The following NTMT1 variants were observed in gnomAD, a reference collection of about 807,000 sequenced individuals.
The protein encoded by NTMT1 is N-terminal RCC1 methyltransferase.
NTMT1 carries 8 observed loss-of-function variants against 17.5 expected under a neutral mutation model. That is an observed-to-expected ratio of 0.46 (90% CI 0.27 to 0.82). NTMT1 has a LOEUF of 0.82. Among genes scored for constraint, NTMT1 ranks in the 40% least tolerant of loss-of-function variants. NTMT1 has a pLI of 0.15. For missense variants in NTMT1, 221 were observed against 303.5 expected, an observed-to-expected ratio of 0.73 and a Z score of 2.02; for synonymous variants, 128 against 126.8, an observed-to-expected ratio of 1.01 and a Z score of -0.06.
At chr9:129,615,497 C>G in intron 1 of NTMT1, 1 of 1,599,218 alleles carries the variant, frequency 6.3e-7, no homozygotes. Flanking sequence ...AGCGTCTGCG[C>G]TCCCAGTAGC....
At chr9:129,634,902 C>G (rs556511769) in intron 3 of NTMT1, 3 of 385,836 alleles carry the variant, frequency 7.8e-6, no homozygotes, top group African/African-American at 6.2e-5. Context: ...AGGTTCACTC[C>G]TCCGATCCAA....
Position 129,620,538 on chromosome 9 carries a change from G to A in NTMT1, c.-55+11360G>A, listed in dbSNP as rs764915212. 7.0e-7 allele frequency: 1 copy of A among 1,428,784 alleles called. No individual in the cohort carries two copies. The highest frequency in any genetic ancestry group is 9.2e-7 in the Non-Finnish European group (1 of 1,088,102). The allele number at this position is 1,428,784 out of a possible 1,614,324, so 88.5% of individuals were successfully genotyped here. On this transcript the variant is annotated intron_variant, in intron 1 of 3. Coordinates refer to the NTMT1 transcript ENST00000372486. This position sits in a 1 kb window ranked among gnomAD's most constrained non-coding sequence, Gnocchi z 5.8. ...TCGCCAGGGAGCCCCTTGGGCGCCAGGTCCTGGGCCCCTGGGCGAAGTCGA... is the reference window on the plus strand; with the variant it reads ...TCGCCAGGGAGCCCCTTGGGCGCCAAGTCCTGGGCCCCTGGGCGAAGTCGA...
chr9:129,623,371 A>AGG (rs1830798324), upstream of NTMT1, among the ~76,000 whole-genome samples: 2 of 151,116 alleles, frequency 1.3e-5, no homozygotes, highest in South Asian at 4.2e-4. Context: ...GGAAGGAAGA[A>AGG]AAGAAATTAA....
chr9:129,629,388 C>CGTT (rs1831037064), intron 1 of NTMT1, among the ~76,000 whole-genome samples: 2 of 20,172 alleles, frequency 9.9e-5, no homozygotes, highest in Admixed American at 9.3e-4. Flanking sequence ...AAGAAGAATT[C>CGTT]ATTCTTCTTC....
intron 1 of NTMT1, chr9:129,619,697 C>T: frequency 1.2e-6 from 2 of 1,612,364 alleles, no homozygotes; most frequent in Admixed American, 1.7e-5. Flanking sequence ...CTGGAAACAT[C>T]GATGGCAACC....
intron 1 of NTMT1, among the ~76,000 whole-genome samples, chr9:129,629,873 G>A (rs1831071635): frequency 1.3e-5 from 2 of 152,206 alleles, no homozygotes; most frequent in Non-Finnish European, 2.9e-5. Flanking sequence ...GCTGAGCAGG[G>A]AGGATGGCTT....
chr9:129,630,639 T>C (rs767094107), intron 1 of NTMT1, among the ~76,000 whole-genome samples: 6 of 152,182 alleles, frequency 3.9e-5, no homozygotes, highest in Non-Finnish European at 8.8e-5. Context: ...TGTGGACTCT[T>C]CCGTGTTGAC....
upstream of NTMT1, among the ~76,000 whole-genome samples, chr9:129,622,220 C>T (rs6478908): frequency 0.97 from 148,251 of 152,298 alleles, 72,177 homozygotes; most frequent in Middle Eastern, 0.99. Context: ...CTGCGGGGCA[C>T]GGTGTCTCAC....
chr9:129,612,294 A>G, intron 1 of NTMT1: 2 of 1,461,132 alleles, frequency 1.4e-6, no homozygotes, highest in Middle Eastern at 1.7e-4. Flanking sequence ...GCAAGGAAGG[A>G]CGCTCCTCAT....
chr9:129,614,788 G>T lies in NTMT1; in HGVS notation c.-55+5610G>T, dbSNP rs988674562. On this transcript the variant is annotated intron_variant, in intron 1 of 3. Coordinates refer to the NTMT1 transcript ENST00000372486. The surrounding 1 kb of genome is among the most constrained non-coding windows in gnomAD (Gnocchi z 4.4). Reference sequence around the variant, plus strand: ...GCGGTGGCGCATGCCTGTAATCCCAGGTACTCAGGAGGCTGAGGCAGGAGA... The same window carrying T: ...GCGGTGGCGCATGCCTGTAATCCCATGTACTCAGGAGGCTGAGGCAGGAGA... Among the ~76,000 whole-genome samples, 2 of 152,180 alleles carry T rather than the reference G, an allele frequency of 1.3e-5. No individual in the cohort carries two copies. Among genetic ancestry groups the T allele is most frequent in the African/African-American group, 4.8e-5 (2 of 41,446 alleles).
chr9:129,634,261 C>T lies in NTMT1; in HGVS notation c.370C>T (p.Pro124Ser). The T allele has an allele frequency of 3.1e-6, 5 of 1,613,352 alleles. No individual in the cohort carries two copies. Among genetic ancestry groups the T allele is most frequent in the Non-Finnish European group, 4.2e-6 (5 of 1,179,566 alleles). Residue 124 changes from proline to serine, a missense_variant, in exon 3 of 4, where the codon CCG (proline) becomes TCG (serine). Transcript: ENST00000372483. ...CTGTTGTGGGCTCCAGGACTTCACC[C>T]CGGAGCCGGACTCTTACGACGTGAT... ...YFCCGLQDFT[P>S]EPDSYDVIWI...
intron 1 of NTMT1, 39 bp from the exon 2 acceptor site, chr9:129,632,611 G>T (rs932039746): frequency 2.7e-6 from 4 of 1,505,026 alleles, no homozygotes; most frequent in Non-Finnish European, 3.6e-6. Flanking sequence ...TTTCTGCCAG[G>T]TCCCTGGCCC....
chr9:129,615,546 AC>A (rs1830330392), intron 1 of NTMT1: 1 of 1,610,582 alleles, frequency 6.2e-7, no homozygotes, highest in South Asian at 1.1e-5. Context: ...AGCGAATCGC[AC>A]CCGGAAAGGG....
chr9:129,634,121 AGCGGCT>A lies in NTMT1; in HGVS notation c.233_238del (p.Arg78_Leu79del), dbSNP rs778339554. 25 of 1,614,008 alleles carry A rather than the reference AGCGGCT, an allele frequency of 1.5e-5. No homozygotes were observed. Among genetic ancestry groups the A allele is most frequent in the Admixed American group, 5.0e-5 (3 of 60,000 alleles). ...GGAGCTGGCATTGGGAGGATCACCA[AGCGGCT>A]GCTCCTGCCGCTGTTCAGAGAGGTG... On this transcript the variant is annotated inframe_deletion, in exon 3 of 4. Coordinates refer to ENST00000372483, the MANE Select transcript of NTMT1 (RefSeq NM_014064.4).
rs1247847008 is a variant in NTMT1 at position 129,632,772 on chromosome 9, C to G, written c.69C>G (p.Ile23Met). 1.2e-6 allele frequency: 2 copies of G among 1,614,060 alleles called. No homozygotes were observed. The highest frequency in any genetic ancestry group is 1.7e-5 in the Admixed American group (1 of 60,006). Reference protein sequence around the residue: ...YSKAKTYWKQIPPTVDGMLGG... With the variant: ...YSKAKTYWKQMPPTVDGMLGG... ...AGGCCAAGACCTACTGGAAACAAAT[C>G]CCACCCACGGTGGACGGCATGCTTG... The change falls in exon 2 of 4, where the codon ATC becomes ATG. Residue 23 changes from isoleucine to methionine, a missense_variant. Coordinates refer to ENST00000372483, the MANE Select transcript of NTMT1 (RefSeq NM_014064.4).
intron 1 of NTMT1, chr9:129,626,678 G>A (rs1830914611): frequency 6.6e-6 from 1 of 152,224 alleles, no homozygotes; most frequent in Admixed American, 6.5e-5. Context: ...TCGGTAAAAT[G>A]CCCAGTTCAG....
chr9:129,615,444 A>G, intron 1 of NTMT1: 1 of 1,524,862 alleles, frequency 6.6e-7, no homozygotes, highest in East Asian at 2.4e-5. Context: ...CCTGGCTAGA[A>G]CTTTCGGGAG....
chr9:129,631,698 T>C (rs551410598), intron 1 of NTMT1, among the ~76,000 whole-genome samples: 4 of 152,322 alleles, frequency 2.6e-5, no homozygotes, highest in African/African-American at 9.6e-5. Context: ...GAGGGCTGTC[T>C]GTCCTTCCCT....
Position 129,620,218 on chromosome 9 carries a change from TG to T in NTMT1, c.-55+11042del. On this transcript the variant is annotated intron_variant, in intron 1 of 3. Transcript: ENST00000372486. The surrounding 1 kb of genome is among the most constrained non-coding windows in gnomAD (Gnocchi z 5.8). ...GGGGGCGCTCGCGCTCTCCAGGCCCTGGCTGCCTGGGCGCCGATTCCCGGGA... is the reference window on the plus strand; with the variant it reads ...GGGGGCGCTCGCGCTCTCCAGGCCCTGCTGCCTGGGCGCCGATTCCCGGGA... 7.3e-7 allele frequency: 1 copy of T among 1,365,108 alleles called. No individual in the cohort carries two copies. The highest frequency in any genetic ancestry group is 9.5e-7 in the Non-Finnish European group (1 of 1,053,022). The allele number at this position is 1,365,108 out of a possible 1,614,324, so 84.6% of individuals were successfully genotyped here. A position where few individuals can be genotyped will look rare whatever the true frequency, so the allele number is the denominator to read the frequency against.
Sources: allele counts gnomAD v4.1 joint callset (sites outside exome capture counted in the v4.1 genomes callset), GRCh38; gene constraint gnomAD v4.1.1; non-coding constraint Gnocchi (gnomAD v3.1); transcripts MANE v1.5; gene names NCBI Gene and HGNC (gene_info 2026-07-23, HGNC 2026-07-21).